ATG3: variants seen among roughly 807,000 people sequenced by gnomAD.
ATG3 encodes the protein autophagy related 3.
Under a neutral mutation model 50.7 loss-of-function variants are expected in ATG3, and 25 were observed. The ratio of observed to expected loss-of-function variants is 0.49; its 90% CI spans 0.36 to 0.69. The LOEUF is 0.69. Ranked by LOEUF, ATG3 falls within the 30% of genes least tolerant of loss-of-function variation. ATG3 has a pLI of 0.00. For missense variants in ATG3, 281 were observed against 376.0 expected, an observed-to-expected ratio of 0.75 and a Z score of 2.09; for synonymous variants, 119 against 125.5, an observed-to-expected ratio of 0.95 and a Z score of 0.34.
At chr3:112,537,686 C>A in intron 9 of ATG3, 49 bp downstream of exon 9, 6 of 1,392,588 alleles carry the variant, frequency 4.3e-6, no homozygotes, top group East Asian at 2.6e-5. Context: ...AAATTAAAAC[C>A]CAACAATTTA....
intron 6 of ATG3, 89 bp from the exon 7 acceptor site, chr3:112,541,973 G>A (rs1452615925): frequency 3.1e-5 from 29 of 942,730 alleles, no homozygotes; most frequent in Non-Finnish European, 1.6e-6. Context: ...GGTAACCACT[G>A]TGAAAATAAG....
At chr3:112,556,043 T>A (rs1240353124) in intron 2 of ATG3, among the ~76,000 whole-genome samples, 1 of 151,784 alleles carries the variant, frequency 6.6e-6, no homozygotes, top group Non-Finnish European at 1.5e-5. Flanking sequence ...CCGCTCTTGA[T>A]TTCAGATAAA....
intron 4 of ATG3, among the ~76,000 whole-genome samples, chr3:112,549,563 CTTTGG>C (rs1933470360): frequency 6.6e-6 from 1 of 152,094 alleles, no homozygotes; most frequent in South Asian, 2.1e-4. Context: ...AATCCCAGCA[CTTTGG>C]GAGGCCAAGG....
chr3:112,548,297 A>G (rs547330899), intron 5 of ATG3, among the ~76,000 whole-genome samples: 2 of 152,326 alleles, frequency 1.3e-5, no homozygotes, highest in Admixed American at 6.5e-5. Context: ...GGTTGCAGTG[A>G]GCAAAGATCG....
At chr3:112,547,505 G>C (rs1933400537) in intron 5 of ATG3, among the ~76,000 whole-genome samples, 1 of 152,268 alleles carries the variant, frequency 6.6e-6, no homozygotes, top group South Asian at 2.1e-4. Context: ...TTTAAACTTA[G>C]AGCACATTTT....
rs1933910677 is a variant in ATG3, at chr3:112,561,913, TC to T, written c.-386del. On this transcript the variant is annotated 5_prime_UTR_variant, in exon 1 of 12. Coordinates refer to ENST00000283290, the MANE Select transcript of ATG3 (RefSeq NM_022488.5). ...CGCGCCCCTTCCGGCTTCCCTTCCT[TC>T]TCACTCTCTTGCCGTAGCTGCGCCG... 1 of 236,720 alleles carries T rather than the reference TC, an allele frequency of 4.2e-6. No homozygotes were observed. Among genetic ancestry groups the T allele is most frequent in the African/African-American group, 2.4e-5 (1 of 42,300 alleles). 14.7% of individuals were successfully genotyped at this position (236,720 alleles called of 1,614,324 possible). A position where few individuals can be genotyped will look rare whatever the true frequency, so the allele number is the denominator to read the frequency against.
chr3:112,537,990 G>C (rs116799247), intron 8 of ATG3, 100 bp from the exon 9 acceptor site: 42,153 of 1,305,578 alleles, frequency 0.032, 866 homozygotes, highest in Non-Finnish European at 0.039. Flanking sequence ...GTTTTCTTAA[G>C]AGTAAATGAA....
At chr3:112,550,382 T>A in intron 3 of ATG3, 120 bp from the exon 4 acceptor site, 1 of 818,870 alleles carries the variant, frequency 1.2e-6, no homozygotes, top group Non-Finnish European at 1.9e-6. Context: ...AAAATTGGTT[T>A]AAAATTGATT....
chr3:112,544,184 A>C, intron 5 of ATG3, 78 bp from the exon 6 acceptor site: 1 of 1,210,138 alleles, frequency 8.3e-7, no homozygotes, highest in South Asian at 1.4e-5. Context: ...CAATATAAAA[A>C]TGCTGAAAAT....
At chr3:112,550,139 AT>A (rs778926489) in intron 4 of ATG3, 52 bp downstream of exon 4, 19 of 1,334,812 alleles carry the variant, frequency 1.4e-5, no homozygotes, top group Non-Finnish European at 2.0e-5. Context: ...CGAGAGCTTC[AT>A]TTTAATATAC....
intron 5 of ATG3, among the ~76,000 whole-genome samples, chr3:112,546,789 C>G (rs570935040): frequency 6.6e-6 from 1 of 152,134 alleles, no homozygotes; most frequent in Admixed American, 6.5e-5. Context: ...ATCTTCCAGG[C>G]ATGGAAAAGT....
At chr3:112,554,630 A>G (rs1316258226) in intron 2 of ATG3, among the ~76,000 whole-genome samples, 1 of 152,242 alleles carries the variant, frequency 6.6e-6, no homozygotes, top group African/African-American at 2.4e-5. Flanking sequence ...TGTGACACCC[A>G]CATACTTGCC....
Position 112,548,631 on chromosome 3 carries a change from T to C in ATG3, c.245A>G (p.Tyr82Cys), listed in dbSNP as rs1307721851. Residue 82 changes from tyrosine (Y) to cysteine (C), a missense_variant, in exon 5 of 12, where the codon TAT (tyrosine) becomes TGT (cysteine). This residue lies in a region of ATG3 where 242 missense variants were observed against 305.0 expected (regional missense o/e 0.79). Coordinates refer to ENST00000283290, the MANE Select transcript of ATG3 (RefSeq NM_022488.5). Reference sequence around the variant, plus strand: ...ATATTCCATCTGTTTGCACCGCTTATAGCACGGCACTATAAAAAAAATGGT... The same window carrying C: ...ATATTCCATCTGTTTGCACCGCTTACAGCACGGCACTATAAAAAAAATGGT... ...QFLVTKNVPC[Y>C]KRCKQMEYSD... is the part of the protein sequence containing the mutation. 3 of 1,613,746 alleles carry C rather than the reference T, an allele frequency of 1.9e-6. No individual in the cohort carries two copies. The highest frequency in any genetic ancestry group is 1.1e-5 in the South Asian group (1 of 91,072).
Position 112,544,012 on chromosome 3 carries a change from A to T in ATG3, c.393+45T>A, listed in dbSNP as rs3736270. On this transcript the variant is annotated intron_variant, in intron 6 of 11. Coordinates refer to ENST00000283290, the MANE Select transcript of ATG3 (RefSeq NM_022488.5). ...GTGTGTATAGATAGATAGATAGGCAAATAACTACTCATTAAATTTAAAAAT... is the reference window on the plus strand; with the variant it reads ...GTGTGTATAGATAGATAGATAGGCATATAACTACTCATTAAATTTAAAAAT... 3.5e-6 allele frequency: 5 copies of T among 1,421,602 alleles called. No homozygotes were observed. In the South Asian group the frequency reaches 4.7e-5, roughly 13 times the overall value. The allele number at this position is 1,421,602 out of a possible 1,614,324, so 88.1% of individuals were successfully genotyped here.
chr3:112,540,256 A>G (rs1215332543), intron 7 of ATG3, among the ~76,000 whole-genome samples: 1 of 152,238 alleles, frequency 6.6e-6, no homozygotes, highest in East Asian at 1.9e-4. Flanking sequence ...ATTGAAAGTA[A>G]TTTTGAAAAC....
Position 112,561,452 on chromosome 3 carries a change from C to T in ATG3, c.72+5G>A, listed in dbSNP as rs767822988. On this transcript the variant is annotated splice_donor_5th_base_variant and intron_variant, in intron 1 of 11. Coordinates refer to ENST00000283290, the MANE Select transcript of ATG3 (RefSeq NM_022488.5). ...ACAGCTCCCGGCAACCCTGGCCTGG[C>T]TTACCTTGAGGACCGGGGTCAGGTA... is the stretch of plus-strand genomic sequence containing the variant. The T allele has an allele frequency of 5.6e-6, 9 of 1,612,008 alleles. No individual in the cohort carries two copies. The South Asian group carries it at 8.8e-5, about 16-fold the overall frequency.
chr3:112,538,073 A>G (rs1385755996), intron 8 of ATG3, 73 bp downstream of exon 8: 2 of 1,291,732 alleles, frequency 1.5e-6, no homozygotes, highest in Admixed American at 2.4e-5. Flanking sequence ...AAAGATCAAT[A>G]TATTATTAGT....
At chr3:112,545,106 GACGTTAC>G (rs556984861) in intron 5 of ATG3, among the ~76,000 whole-genome samples, 18 of 152,138 alleles carry the variant, frequency 1.2e-4, no homozygotes, top group Non-Finnish European at 2.5e-4. Flanking sequence ...ATCTTATGAG[GACGTTAC>G]AGTAATAATG....
At chr3:112,536,762 A>G in intron 9 of ATG3, 160 bp from the exon 10 acceptor site, 1 of 633,736 alleles carries the variant, frequency 1.6e-6, no homozygotes, top group Non-Finnish European at 2.5e-6. Flanking sequence ...TCTACTAAGA[A>G]TATAAAAAAT....
Sources: gnomAD v4.1 joint callset for allele counts (sites outside exome capture counted in the v4.1 genomes callset) on GRCh38, gnomAD v4.1.1 for gene constraint, gnomAD v4.1.1 regional missense constraint, MANE v1.5 for transcripts, NCBI Gene and HGNC (gene_info 2026-07-23, HGNC 2026-07-21) for gene names.